The following CNTNAP5 variants were observed in gnomAD, a reference collection of about 807,000 sequenced individuals.
CNTNAP5 encodes contactin associated protein family member 5.
CNTNAP5 carries 72 observed loss-of-function variants against 150.2 expected under a neutral mutation model. The ratio of observed to expected loss-of-function variants is 0.48; its 90% CI spans 0.40 to 0.58. The LOEUF is 0.58. Ranked by LOEUF, CNTNAP5 falls within the 20% of genes least tolerant of loss-of-function variation. CNTNAP5 has a pLI of 0.00. For missense variants in CNTNAP5, 1,636 were observed against 1,626.2 expected (o/e 1.01, Z -0.10); for synonymous variants, 672 against 619.8 (o/e 1.08, Z -1.25).
intron 8 of CNTNAP5, among the ~76,000 whole-genome samples, chr2:124,510,725 C>G (rs1694567999): frequency 6.6e-6 from 1 of 151,828 alleles, no homozygotes; most frequent in South Asian, 2.1e-4. Flanking sequence ...GCAGGCTTTC[C>G]CATTCTAATT....
intron 13 of CNTNAP5, among the ~76,000 whole-genome samples, chr2:124,704,764 CA>C (rs1481619484): frequency 6.6e-6 from 1 of 151,524 alleles, no homozygotes; most frequent in East Asian, 2.0e-4. Flanking sequence ...TCCCTACCCC[CA>C]ACTTCTACCA....
intron 7 of CNTNAP5, among the ~76,000 whole-genome samples, chr2:124,485,631 A>AAAAAAAAAAAAAAAAAAAAG (rs1457112306): frequency 3.0e-5 from 4 of 134,198 alleles, no homozygotes; most frequent in African/African-American, 9.4e-5. Context: ...AAAAAAAAAA[A>AAAAAAAAAAAAAAAAAAAAG]AAAGAAGAAG....
intron 21 of CNTNAP5, among the ~76,000 whole-genome samples, chr2:124,900,205 G>A (rs1054663854): frequency 2.0e-5 from 3 of 151,534 alleles, no homozygotes; most frequent in Non-Finnish European, 4.4e-5. Context: ...TATTGCAGTT[G>A]TATGTAGCTA....
rs12465657 is a variant in CNTNAP5, at chr2:124,789,687, A to C, written c.2753-215A>C. The stretch of plus-strand genomic sequence containing the variant: ...TTTCTGTTCCTGCCTTAGTTTGCTA[A>C]AGATAGTGGCCTCTAGCTCCACCAT... On this transcript the variant is annotated intron_variant, in intron 17 of 23. Transcript: ENST00000682447. Among the ~76,000 whole-genome samples the C allele has an allele frequency of 0.28, 43,152 of 152,006 alleles. 6,499 individuals carry two copies. The highest frequency in any genetic ancestry group is 0.38 in the African/African-American group (15,701 of 41,420).
intron 21 of CNTNAP5, among the ~76,000 whole-genome samples, chr2:124,898,611 G>C (rs529226999): frequency 6.6e-6 from 1 of 151,504 alleles, no homozygotes; most frequent in Non-Finnish European, 1.5e-5. Flanking sequence ...GCCCAAAAAC[G>C]TTAGTTTAAA....
chr2:124,337,119 T>G (rs1457696169), intron 3 of CNTNAP5, among the ~76,000 whole-genome samples: 6 of 152,232 alleles, frequency 3.9e-5, no homozygotes, highest in Non-Finnish European at 8.8e-5. Context: ...ATTTCTCTGA[T>G]GGCCAGTGAT....
chr2:124,836,533 C>T (rs1682832837), intron 19 of CNTNAP5, among the ~76,000 whole-genome samples: 1 of 152,070 alleles, frequency 6.6e-6, no homozygotes. Context: ...TCCTGGGACA[C>T]TTACTCATAG....
At chr2:124,759,511 T>C (rs1269624211) in intron 14 of CNTNAP5, among the ~76,000 whole-genome samples, 1 of 150,822 alleles carries the variant, frequency 6.6e-6, no homozygotes, top group East Asian at 1.9e-4. Flanking sequence ...TCATCTGTGG[T>C]ATTTTTAAAA....
chr2:124,469,492 A>T (rs963935146), intron 6 of CNTNAP5, among the ~76,000 whole-genome samples: 1 of 152,204 alleles, frequency 6.6e-6, no homozygotes, highest in African/African-American at 2.4e-5. Flanking sequence ...ATATCCAAAT[A>T]ACATATATTT....
At chr2:124,226,338 A>G (rs1686459596) in intron 2 of CNTNAP5, among the ~76,000 whole-genome samples, 1 of 151,772 alleles carries the variant, frequency 6.6e-6, no homozygotes, top group African/African-American at 2.4e-5. Context: ...TTTGATTTCT[A>G]TTTTCCTGAT....
intron 13 of CNTNAP5, among the ~76,000 whole-genome samples, chr2:124,686,975 G>A (rs1280796615): frequency 6.6e-6 from 1 of 152,096 alleles, no homozygotes; most frequent in East Asian, 1.9e-4. Context: ...CAATATGGCA[G>A]CCACTAGCCC....
At chr2:124,033,479 C>T (rs1681119166) in intron 1 of CNTNAP5, among the ~76,000 whole-genome samples, 1 of 152,126 alleles carries the variant, frequency 6.6e-6, no homozygotes, top group Non-Finnish European at 1.5e-5. Context: ...TCTTCTCTTC[C>T]CCATTCCTTT....
chr2:124,122,791 CA>C (rs199915143), intron 1 of CNTNAP5, among the ~76,000 whole-genome samples: 23,740 of 149,746 alleles, frequency 0.16, 1,978 homozygotes, highest in African/African-American at 0.23. Context: ...CACACACACA[CA>C]CCCACACCTT....
intron 19 of CNTNAP5, among the ~76,000 whole-genome samples, chr2:124,846,277 A>T (rs576005872): frequency 1.8e-3 from 281 of 152,108 alleles, no homozygotes; most frequent in African/African-American, 6.3e-3. Flanking sequence ...TGTTCATTTT[A>T]AAAAAAATTT....
chr2:124,793,679 G>C (rs567436617), intron 18 of CNTNAP5, among the ~76,000 whole-genome samples: 1 of 152,220 alleles, frequency 6.6e-6, no homozygotes, highest in South Asian at 2.1e-4. Context: ...TGCATTATGA[G>C]TGAATTTTCA....
chr2:124,056,458 A>G (rs1379709088), intron 1 of CNTNAP5, among the ~76,000 whole-genome samples: 1 of 103,936 alleles, frequency 9.6e-6, no homozygotes, highest in African/African-American at 3.7e-5. Flanking sequence ...CCCCGTCTAT[A>G]CTAAAAATAC....
At chr2:124,054,778 C>T (rs1681801159) in intron 1 of CNTNAP5, among the ~76,000 whole-genome samples, 1 of 152,148 alleles carries the variant, frequency 6.6e-6, no homozygotes, top group Non-Finnish European at 1.5e-5. Context: ...AATTGCCTAC[C>T]CTCACCTGCT....
chr2:124,187,158 G>A (rs937381975), intron 1 of CNTNAP5, among the ~76,000 whole-genome samples: 1 of 151,986 alleles, frequency 6.6e-6, no homozygotes, highest in African/African-American at 2.4e-5. Flanking sequence ...AGAGCAACCT[G>A]GAAGGAAAAA....
intron 19 of CNTNAP5, among the ~76,000 whole-genome samples, chr2:124,862,513 G>C (rs537641072): frequency 6.6e-6 from 1 of 152,296 alleles, no homozygotes; most frequent in South Asian, 2.1e-4. Context: ...AGCAAGCCGA[G>C]GGGGTAGAGG....
Sources: gnomAD v4.1 joint callset for allele counts (sites outside exome capture counted in the v4.1 genomes callset) on GRCh38, gnomAD v4.1.1 for gene constraint, MANE v1.5 for transcripts, NCBI Gene and HGNC (gene_info 2026-07-23, HGNC 2026-07-21) for gene names.